The following DLGAP1 variants were observed in gnomAD, a reference collection of about 807,000 sequenced individuals.
DLGAP1 encodes the protein DLG associated protein 1.
DLGAP1 carries 11 observed loss-of-function variants against 90.8 expected under a neutral mutation model. The ratio of observed to expected loss-of-function variants is 0.12; its 90% CI spans 0.08 to 0.20. DLGAP1 has a LOEUF of 0.20. Among genes scored for constraint, DLGAP1 ranks in the 10% least tolerant of loss-of-function variants. DLGAP1 has a pLI of 1.00. For missense variants in DLGAP1, 1,050 were observed against 1,333.8 expected (o/e 0.79, Z 3.31); for synonymous variants, 558 against 540.7 (o/e 1.03, Z -0.44).
chr18:3,799,392 G>A (rs914920997), intron 5 of DLGAP1, among the ~76,000 whole-genome samples: 13 of 152,088 alleles, frequency 8.5e-5, no homozygotes, highest in African/African-American at 2.7e-4. Flanking sequence ...CCTTCTGCGG[G>A]GGTTTCTTCA....
chr18:3,968,490 A>G (rs1014435863), intron 3 of DLGAP1, among the ~76,000 whole-genome samples: 1 of 152,214 alleles, frequency 6.6e-6, no homozygotes, highest in Non-Finnish European at 1.5e-5. Flanking sequence ...ACTTGAAAAC[A>G]CAGAAAGTTA....
At chr18:3,622,348 GC>G (rs1473820803) in intron 7 of DLGAP1, among the ~76,000 whole-genome samples, 3 of 152,092 alleles carry the variant, frequency 2.0e-5, no homozygotes, top group Non-Finnish European at 4.4e-5. Context: ...CTCGTGATCT[GC>G]CTGCTTCATT....
chr18:3,593,761 T>C (rs2056414499), intron 7 of DLGAP1: 1 of 152,158 alleles, frequency 6.6e-6, no homozygotes, highest in Non-Finnish European at 1.5e-5. Context: ...AGCAGCCGCC[T>C]CTTCTGGGGA....
chr18:3,803,446 C>G (rs2066410408), intron 5 of DLGAP1, among the ~76,000 whole-genome samples: 1 of 152,166 alleles, frequency 6.6e-6, no homozygotes, highest in African/African-American at 2.4e-5. Flanking sequence ...GTGTCCATCT[C>G]TTTTGGAATC....
chr18:3,533,623 G>T (rs543565002), intron 10 of DLGAP1, among the ~76,000 whole-genome samples: 13 of 152,216 alleles, frequency 8.5e-5, no homozygotes, highest in Admixed American at 7.2e-4. Context: ...CACCCAGGCT[G>T]GAGTGCAGTG....
chr18:4,262,474 A>G (rs1300414265), intron 1 of DLGAP1, among the ~76,000 whole-genome samples: 2 of 152,244 alleles, frequency 1.3e-5, no homozygotes, highest in Admixed American at 6.5e-5. Flanking sequence ...ACACTGCGGG[A>G]CAAATAAAAC....
At chr18:4,090,000 G>C (rs184998924) in intron 2 of DLGAP1, among the ~76,000 whole-genome samples, 1 of 152,056 alleles carries the variant, frequency 6.6e-6, no homozygotes, top group Non-Finnish European at 1.5e-5. Flanking sequence ...AGCCAAGATC[G>C]CGCCGCTGCA....
chr18:3,857,534 C>G (rs946784386), intron 4 of DLGAP1, among the ~76,000 whole-genome samples: 2 of 152,200 alleles, frequency 1.3e-5, no homozygotes, highest in African/African-American at 4.8e-5. Context: ...GCCAAGTTCA[C>G]GATCAAGCTT....
At chr18:4,067,017 C>A (rs559439197) in intron 2 of DLGAP1, among the ~76,000 whole-genome samples, 1 of 152,228 alleles carries the variant, frequency 6.6e-6, no homozygotes, top group South Asian at 2.1e-4. Flanking sequence ...GAGATCATGT[C>A]CTTTGCAGGG....
chr18:3,845,320 G>A, intron 4 of DLGAP1: 1 of 1,591,850 alleles, frequency 6.3e-7, no homozygotes, highest in African/African-American at 1.3e-5. Flanking sequence ...GTGCAGCTGA[G>A]AGCATTTAGC....
At chr18:3,783,750 T>C (rs1055189576) in intron 5 of DLGAP1, among the ~76,000 whole-genome samples, 2 of 152,170 alleles carry the variant, frequency 1.3e-5, no homozygotes, top group East Asian at 1.9e-4. Context: ...ACTTAAAAAA[T>C]GGGTGTGTTA....
At chr18:3,728,798 C>T (rs1474888407) in intron 7 of DLGAP1, among the ~76,000 whole-genome samples, 1 of 152,068 alleles carries the variant, frequency 6.6e-6, no homozygotes, top group Non-Finnish European at 1.5e-5. Context: ...AAGGCCGAGC[C>T]TAATTATTGG....
intron 3 of DLGAP1, among the ~76,000 whole-genome samples, chr18:3,907,007 TGTATTAA>T (rs541938055): frequency 6.6e-5 from 10 of 152,400 alleles, no homozygotes; most frequent in African/African-American, 2.4e-4. Flanking sequence ...CAATTTATGT[TGTATTAA>T]GTATTAAAAG....
chr18:3,694,844 G>T (rs1348877205), intron 7 of DLGAP1, among the ~76,000 whole-genome samples: 1 of 151,828 alleles, frequency 6.6e-6, no homozygotes, highest in African/African-American at 2.4e-5. Context: ...TGCTCACTCT[G>T]ATGAGTTTCT....
Position 3,927,781 on chromosome 18 carries a change from G to T in DLGAP1, c.-72-47641C>A, listed in dbSNP as rs564017632. Reference sequence around the variant, plus strand: ...AATTTATTATTAAGGAGTAAAAGTTGTACATTTTACATTATGTCATTAAGC... The same window carrying T: ...AATTTATTATTAAGGAGTAAAAGTTTTACATTTTACATTATGTCATTAAGC... On this transcript the variant is annotated intron_variant, in intron 3 of 12. Coordinates refer to ENST00000315677, the MANE Select transcript of DLGAP1 (RefSeq NM_004746.4). 6.6e-5 allele frequency among the ~76,000 whole-genome samples: 10 copies of T among 152,222 alleles called. No homozygotes were observed. The South Asian group carries it at 8.3e-4, about 13-fold the overall frequency.
chr18:3,917,947 A>T (rs1390701746), intron 3 of DLGAP1, among the ~76,000 whole-genome samples: 3 of 152,186 alleles, frequency 2.0e-5, no homozygotes. Context: ...AGATAAAGAA[A>T]AGGAAACCAG....
intron 1 of DLGAP1, among the ~76,000 whole-genome samples, chr18:4,365,730 G>A (rs966305553): frequency 1.3e-5 from 2 of 151,974 alleles, no homozygotes; most frequent in African/African-American, 4.8e-5. Flanking sequence ...ATTTAATCCT[G>A]TTCCTTAAAA....
Position 4,329,755 on chromosome 18 carries a change from T to C in DLGAP1, c.-267+125251A>G, listed in dbSNP as rs1598912973. ...TGCTTTCATGCTATTATAAATTCCA[T>C]TGTTAAAATTTCAATTTTTAGTTAT... On this transcript the variant is annotated intron_variant, in intron 1 of 12. Transcript: ENST00000315677. Among the ~76,000 whole-genome samples the C allele has an allele frequency of 5.9e-5, 9 of 152,182 alleles. 1 individual carries two copies. Among genetic ancestry groups the C allele is most frequent in the South Asian group, 2.1e-4 (1 of 4,830 alleles).
At chr18:4,306,477 C>A (rs1031168906) in intron 1 of DLGAP1, among the ~76,000 whole-genome samples, 1 of 135,540 alleles carries the variant, frequency 7.4e-6, no homozygotes, top group Non-Finnish European at 1.6e-5. Flanking sequence ...GAGAGAGAGA[C>A]AGACAGAGAA....
Sources: allele counts gnomAD v4.1 joint callset (sites outside exome capture counted in the v4.1 genomes callset), GRCh38; gene constraint gnomAD v4.1.1; transcripts MANE v1.5; gene names NCBI Gene and HGNC (gene_info 2026-07-23, HGNC 2026-07-21).